Variants in ZDHHC24 observed in about 807,000 individuals in gnomAD.
The protein encoded by ZDHHC24 is probable palmitoyltransferase ZDHHC24.
In ZDHHC24, 17 loss-of-function variants were observed where a neutral mutation model predicts 23.2. That is an observed-to-expected ratio of 0.73 (90% CI 0.50 to 1.10). ZDHHC24 has a LOEUF of 1.10. ZDHHC24 is among the 50% of genes least tolerant of loss of function. ZDHHC24 has a pLI of 0.00. For synonymous variants in ZDHHC24, 186 were observed against 194.5 expected (o/e 0.96, Z 0.36); for missense variants, 366 against 393.0 (o/e 0.93, Z 0.58).
intron 4 of ZDHHC24, among the ~76,000 whole-genome samples, chr11:66,522,170 T>C (rs1433665003): frequency 6.7e-6 from 1 of 150,010 alleles, no homozygotes; most frequent in East Asian, 2.0e-4. Flanking sequence ...TGAGCCGAGA[T>C]CACGCCACTG....
chr11:66,523,553 A>G, intron 4 of ZDHHC24: 1 of 1,614,156 alleles, frequency 6.2e-7, no homozygotes, highest in African/African-American at 1.3e-5. Context: ...CACCCAAGAC[A>G]GCCTGCATGG....
chr11:66,521,388 C>G, exon 5 of ZDHHC24: 1 of 1,608,316 alleles, frequency 6.2e-7, no homozygotes, highest in African/African-American at 1.3e-5. Context: ...TAGCCACATC[C>G]GTGGTCTCCG....
At chr11:66,529,582 G>A in intron 2 of ZDHHC24, 1 of 691,892 alleles carries the variant, frequency 1.4e-6, no homozygotes, top group Admixed American at 2.1e-5. Context: ...CAGTGAAGGA[G>A]CTAGATAGTG....
chr11:66,543,927 G>A lies in ZDHHC24; in HGVS notation c.336C>T (p.Ala112=), dbSNP rs768344170. The A allele has an allele frequency of 6.2e-7, 1 of 1,613,982 alleles. No individual in the cohort carries two copies. The highest frequency in any genetic ancestry group is 8.5e-7 in the Non-Finnish European group (1 of 1,179,924). ...QVPPRSGHCS[A]CRVCILRRDH... ...CCCGACGCAGGATGCAGACGCGGCAGGCAGAGCAGTGTCCGCTGCGTGGCG... is the reference window on the plus strand; with the variant it reads ...CCCGACGCAGGATGCAGACGCGGCAAGCAGAGCAGTGTCCGCTGCGTGGCG... Residue 112 remains alanine (A), a synonymous_variant, in exon 2 of 3, where the codon GCC becomes GCT. Transcript: ENST00000310442.
intron 2 of ZDHHC24, among the ~76,000 whole-genome samples, chr11:66,541,358 G>A (rs1026831646): frequency 1.1e-4 from 17 of 151,486 alleles, no homozygotes; most frequent in Non-Finnish European, 2.1e-4. Flanking sequence ...AGCCGAGATC[G>A]CGCTATTGCA....
At chr11:66,523,432 G>A (rs201805739) in intron 4 of ZDHHC24, 301 of 1,614,004 alleles carry the variant, frequency 1.9e-4, no homozygotes, top group Non-Finnish European at 2.3e-4. Flanking sequence ...TCTGGGGCCA[G>A]ACAGTGTGTT....
intron 2 of ZDHHC24, chr11:66,529,785 C>A: frequency 1.2e-6 from 2 of 1,608,176 alleles, no homozygotes; most frequent in Non-Finnish European, 1.7e-6. Context: ...CACCCCCCAC[C>A]TCCACCGTCA....
At chr11:66,529,300 C>G (rs1025186537) in intron 3 of ZDHHC24, 2 of 1,535,426 alleles carry the variant, frequency 1.3e-6, no homozygotes, top group African/African-American at 1.4e-5. Flanking sequence ...GAGGCAGTGA[C>G]GGAGGCAGGA....
chr11:66,529,154 C>G (rs1397323206), intron 3 of ZDHHC24: 1 of 977,528 alleles, frequency 1.0e-6, no homozygotes, highest in Non-Finnish European at 1.2e-6. Context: ...GCCTGGGGGA[C>G]CGAGGTGCCC....
chr11:66,537,439 C>T lies in ZDHHC24; in HGVS notation c.*2090G>A, dbSNP rs1047285065. 6.6e-6 allele frequency: 1 copy of T among 152,080 alleles called. No homozygotes were observed. The highest frequency in any genetic ancestry group is 1.5e-5 in the Non-Finnish European group (1 of 68,028). The allele number at this position is 152,080 out of a possible 1,614,324, so 9.4% of individuals were successfully genotyped here. A position where few individuals can be genotyped will look rare whatever the true frequency, so the allele number is the denominator to read the frequency against. ...ATGGTCCTGGTGGAGTTCCTGAGCC[C>T]CTCCGGGGCTCTGGCAGGTAATTCC... On this transcript the variant is annotated 3_prime_UTR_variant, in exon 3 of 3. Coordinates refer to ENST00000310442, the MANE Select transcript of ZDHHC24 (RefSeq NM_207340.3).
intron 4 of ZDHHC24, among the ~76,000 whole-genome samples, chr11:66,525,277 T>A (rs1290138013): frequency 2.0e-5 from 3 of 151,454 alleles, no homozygotes; most frequent in Non-Finnish European, 4.4e-5. Flanking sequence ...AAGAATCACT[T>A]GAACCTGGGA....
At chr11:66,541,414 A>C (rs1364635526) in intron 2 of ZDHHC24, among the ~76,000 whole-genome samples, 1 of 152,104 alleles carries the variant, frequency 6.6e-6, no homozygotes, top group Non-Finnish European at 1.5e-5. Flanking sequence ...AAAAAAAAAA[A>C]AAAAACCATT....
chr11:66,531,800 G>A (rs1194464346), downstream of ZDHHC24: 1 of 1,613,772 alleles, frequency 6.2e-7, no homozygotes, highest in Non-Finnish European at 8.5e-7. Context: ...AGGACAGTAA[G>A]GGTGAGTGCC....
At chr11:66,544,742 T>C (rs1336102329) in intron 1 of ZDHHC24, among the ~76,000 whole-genome samples, 1 of 152,122 alleles carries the variant, frequency 6.6e-6, no homozygotes, top group Admixed American at 6.5e-5. Flanking sequence ...AGGGACAGAG[T>C]CTCGCTACAT....
At position 66,538,096 on chromosome 11, in the gene ZDHHC24, C is replaced by G. The variant is rs967456669; in HGVS notation, c.*1433G>C. ...TGAAACCCTGTCTATACTAAAAATA[C>G]AAAAAAATTAGCTGGGCATGGCCAG... On this transcript the variant is annotated 3_prime_UTR_variant, in exon 3 of 3. Transcript: ENST00000310442. The G allele has an allele frequency of 6.6e-6, 1 of 151,340 alleles. No individual in the cohort carries two copies. The highest frequency in any genetic ancestry group is 1.5e-5 in the Non-Finnish European group (1 of 67,832). 9.4% of individuals were successfully genotyped at this position (151,340 alleles called of 1,614,324 possible).
Position 66,526,341 on chromosome 11 carries a change from C to T in ZDHHC24, c.*21+595G>A, listed in dbSNP as rs993682154. On this transcript the variant is annotated intron_variant, in intron 4 of 4. Coordinates refer to the ZDHHC24 transcript ENST00000526986. ...ACAGAAGTGTCCTTCTGGAGCTAGG[C>T]CTCCACTGGGACAGCCCAAGGGCTG... The T allele has an allele frequency of 3.8e-5, 33 of 870,252 alleles. 1 individual carries two copies. The highest frequency in any genetic ancestry group is 2.7e-4 in the South Asian group (16 of 59,830). The allele number at this position is 870,252 out of a possible 1,614,324, so 53.9% of individuals were successfully genotyped here. A position where few individuals can be genotyped will look rare whatever the true frequency, so the allele number is the denominator to read the frequency against.
chr11:66,535,253 A>G (rs12272545), downstream of ZDHHC24, among the ~76,000 whole-genome samples: 34,478 of 151,810 alleles, frequency 0.23, 4,198 homozygotes, highest in East Asian at 0.27. Context: ...CTTGTCACCC[A>G]GGCTGGAGTG....
rs757340465 is a variant in ZDHHC24 at position 66,539,565 on chromosome 11, G to C, written c.819C>G (p.Phe273Leu). 1 of 1,606,538 alleles carries C rather than the reference G, an allele frequency of 6.2e-7. No homozygotes were observed. Among genetic ancestry groups the C allele is most frequent in the Non-Finnish European group, 8.5e-7 (1 of 1,176,064 alleles). Reference sequence around the variant, plus strand: ...TGTGTCCCACATCTGCTGTGGTCTGGAAGGTGATCCCATCCCCAGGCAATG... The same window carrying C: ...TGTGTCCCACATCTGCTGTGGTCTGCAAGGTGATCCCATCCCCAGGCAATG... ...ASPLPGDGIT[F>L]QTTADVGHTA... is the part of the protein sequence containing the mutation. Residue 273 changes from phenylalanine (F) to leucine (L), a missense_variant, in exon 3 of 3, where the codon TTC becomes TTG. Coordinates refer to ENST00000310442, the MANE Select transcript of ZDHHC24 (RefSeq NM_207340.3).
downstream of ZDHHC24, chr11:66,531,957 G>A (rs754300140): frequency 6.3e-7 from 1 of 1,593,992 alleles, no homozygotes; most frequent in Non-Finnish European, 8.5e-7. Flanking sequence ...ATAGGTGCTG[G>A]TGCTTCGAGA....
Sources: allele counts gnomAD v4.1 joint callset (sites outside exome capture counted in the v4.1 genomes callset), GRCh38; gene constraint gnomAD v4.1.1; transcripts MANE v1.5; gene names NCBI Gene and HGNC (gene_info 2026-07-23, HGNC 2026-07-21).